RSBN1L: variants seen among roughly 807,000 people sequenced by gnomAD.
The protein encoded by RSBN1L is lysine-specific demethylase RSBN1L.
In RSBN1L, 30 loss-of-function variants were observed where a neutral mutation model predicts 67.7. The observed-to-expected ratio is 0.44, with a 90% CI of 0.33 to 0.60. RSBN1L has a LOEUF of 0.60. Ranked by LOEUF, RSBN1L falls within the 20% of genes least tolerant of loss-of-function variation. The pLI, the probability that RSBN1L is intolerant of heterozygous loss-of-function variation, is 0.02. For synonymous variants in RSBN1L, 433 were observed against 387.0 expected, an observed-to-expected ratio of 1.12 and a Z score of -1.39; for missense variants, 992 against 1,031.7, an observed-to-expected ratio of 0.96 and a Z score of 0.53.
intron 3 of RSBN1L, among the ~76,000 whole-genome samples, chr7:77,750,539 G>C (rs956287621): frequency 1.3e-5 from 2 of 152,082 alleles, no homozygotes; most frequent in Admixed American, 6.6e-5. Context: ...GTAATGATGT[G>C]TTAAAAGTAG....
At chr7:77,719,774 T>A (rs999567657) in intron 1 of RSBN1L, among the ~76,000 whole-genome samples, 10 of 152,064 alleles carry the variant, frequency 6.6e-5, no homozygotes, top group East Asian at 1.9e-4. Flanking sequence ...TTTAAAAAAA[T>A]TTTTTTTAGA....
intron 1 of RSBN1L, among the ~76,000 whole-genome samples, chr7:77,714,776 C>CA (rs1203246897): frequency 1.3e-5 from 2 of 151,788 alleles, no homozygotes; most frequent in Admixed American, 6.6e-5. Flanking sequence ...TCCTGGCTAA[C>CA]ACGGTGAAAC....
At chr7:77,725,237 C>G (rs1418997234) in intron 1 of RSBN1L, among the ~76,000 whole-genome samples, 1 of 94,644 alleles carries the variant, frequency 1.1e-5, no homozygotes, top group Non-Finnish European at 2.2e-5. Context: ...TAGGGATAAG[C>G]CCCCCACTTT....
chr7:77,730,549 A>G (rs1409414465), intron 1 of RSBN1L, among the ~76,000 whole-genome samples: 3 of 152,108 alleles, frequency 2.0e-5, no homozygotes, highest in Admixed American at 6.5e-5. Context: ...TGCTCTGCCT[A>G]TTCATCCCTC....
rs1018206774 is a variant in RSBN1L at position 77,780,903 on chromosome 7, G to C, written c.*1735G>C. 1.3e-5 allele frequency: 2 copies of C among 152,238 alleles called. 1 individual carries two copies. The allele number at this position is 152,238 out of a possible 1,614,324, so 9.4% of individuals were successfully genotyped here. ...AGAAGTCTTTGATGTATGCGTTGCTGTAAGAAACTCTGCTCATTGCAAATC... is the reference window on the plus strand; with the variant it reads ...AGAAGTCTTTGATGTATGCGTTGCTCTAAGAAACTCTGCTCATTGCAAATC... On this transcript the variant is annotated 3_prime_UTR_variant, in exon 8 of 8. Coordinates refer to ENST00000334955, the MANE Select transcript of RSBN1L (RefSeq NM_198467.3).
intron 6 of RSBN1L, among the ~76,000 whole-genome samples, chr7:77,777,355 T>A (rs1347428894): frequency 6.6e-6 from 1 of 152,088 alleles, no homozygotes; most frequent in African/African-American, 2.4e-5. Flanking sequence ...TTCATAGATC[T>A]ACATTTTCAT....
rs1791950644 is a variant in RSBN1L, at chr7:77,778,693, G to A, written c.2066G>A (p.Arg689Gln). The stretch of plus-strand genomic sequence containing the variant: ...GTATGCAGTTTAGCATGGCATATTC[G>A]GCTCAAATTATATCACTCAGAGGAG... ...SAVCSLAWHI[R>Q]LKLYHSEEDT... Residue 689 changes from arginine (R) to glutamine (Q), a missense_variant, in exon 8 of 8, where the codon CGG becomes CAG. Physicochemically the swap from Arg to Gln is conservative, Grantham distance 43. This residue lies in a region of RSBN1L where 55 missense variants were observed against 112.8 expected (regional missense o/e 0.49). Coordinates refer to ENST00000334955, the MANE Select transcript of RSBN1L (RefSeq NM_198467.3). 11 of 1,613,798 alleles carry A rather than the reference G, an allele frequency of 6.8e-6. No homozygotes were observed. Among genetic ancestry groups the A allele is most frequent in the Non-Finnish European group, 8.5e-6 (10 of 1,179,984 alleles).
chr7:77,728,085 G>A (rs1305955926), intron 1 of RSBN1L, among the ~76,000 whole-genome samples: 2 of 152,060 alleles, frequency 1.3e-5, no homozygotes, highest in East Asian at 1.9e-4. Context: ...CTAGTTATCC[G>A]CTGAGCCATC....
At chr7:77,701,183 C>G (rs1179211362) in intron 1 of RSBN1L, among the ~76,000 whole-genome samples, 2 of 132,858 alleles carry the variant, frequency 1.5e-5, no homozygotes, top group Non-Finnish European at 3.3e-5. Flanking sequence ...ACAACAACAA[C>G]AACAACAAAA....
intron 2 of RSBN1L, among the ~76,000 whole-genome samples, chr7:77,738,759 C>A (rs1791368318): frequency 6.6e-6 from 1 of 151,894 alleles, no homozygotes; most frequent in African/African-American, 2.4e-5. Flanking sequence ...ACCAGCCTGG[C>A]CAAGTTGGTG....
At chr7:77,750,413 G>T (rs17157284) in intron 3 of RSBN1L, among the ~76,000 whole-genome samples, 13,289 of 138,412 alleles carry the variant, frequency 0.096, 777 homozygotes, top group South Asian at 0.21. Flanking sequence ...ACCTAAAATT[G>T]TCTTCTAGCT....
intron 3 of RSBN1L, among the ~76,000 whole-genome samples, chr7:77,754,178 C>T (rs1214212942): frequency 6.6e-6 from 1 of 152,158 alleles, no homozygotes; most frequent in Non-Finnish European, 1.5e-5. Flanking sequence ...GCTGGGACTA[C>T]AGGTGTGAGC....
chr7:77,696,636 T>G lies in RSBN1L; in HGVS notation c.167T>G (p.Val56Gly). The G allele has an allele frequency of 6.2e-7, 1 of 1,613,414 alleles. No individual in the cohort carries two copies. Among genetic ancestry groups the G allele is most frequent in the Admixed American group, 1.7e-5 (1 of 59,992 alleles). Reference sequence around the variant, plus strand: ...GAGGAGAAGAAGGCACCGCGGAGAGTGAACGGAGAAGGGGGCAGCGGCGGG... The same window carrying G: ...GAGGAGAAGAAGGCACCGCGGAGAGGGAACGGAGAAGGGGGCAGCGGCGGG... ...RTEEKKAPRR[V>G]NGEGGSGGNS... Residue 56 changes from valine to glycine, a missense_variant, in exon 1 of 8, where the codon GTG becomes GGG. Val to Gly is a moderately radical substitution (Grantham distance 109, BLOSUM62 -3). This residue lies in a region of RSBN1L where 575 missense variants were observed against 483.2 expected (regional missense o/e 1.19). Transcript: ENST00000334955.
intron 3 of RSBN1L, among the ~76,000 whole-genome samples, chr7:77,761,562 C>T (rs938358237): frequency 6.6e-6 from 1 of 152,066 alleles, no homozygotes; most frequent in African/African-American, 2.4e-5. Context: ...AGAGGTGTCA[C>T]CAAAATCAAG....
chr7:77,707,022 A>ATTTT (rs1034017450), intron 1 of RSBN1L, among the ~76,000 whole-genome samples: 1 of 137,674 alleles, frequency 7.3e-6, no homozygotes, highest in African/African-American at 2.7e-5. Flanking sequence ...ATTAAACTAG[A>ATTTT]TTTTTTTTTT....
Position 77,778,463 on chromosome 7 carries a change from T to C in RSBN1L, c.1902+17T>C, listed in dbSNP as rs774073901. ...CTGTCCCAGGTATTTTTAATACACT[T>C]ACTGTCTTTGGTTTAGTTTTTATTA... On this transcript the variant is annotated intron_variant, in intron 7 of 7. Transcript: ENST00000334955. The C allele has an allele frequency of 6.3e-7, 1 of 1,598,794 alleles. No homozygotes were observed. Among genetic ancestry groups the C allele is most frequent in the African/African-American group, 1.3e-5 (1 of 74,076 alleles).
At chr7:77,754,804 CTT>C (rs1791595776) in intron 3 of RSBN1L, among the ~76,000 whole-genome samples, 1 of 152,254 alleles carries the variant, frequency 6.6e-6, no homozygotes, top group South Asian at 2.1e-4. Flanking sequence ...GCCCATGTCT[CTT>C]TGAAAATGAA....
intron 3 of RSBN1L, among the ~76,000 whole-genome samples, chr7:77,760,912 A>G (rs897730792): frequency 6.6e-6 from 1 of 152,242 alleles, no homozygotes; most frequent in Non-Finnish European, 1.5e-5. Context: ...CTGGGATTAC[A>G]GGCGTGACGC....
intron 2 of RSBN1L, 152 bp from the exon 3 acceptor site, chr7:77,749,272 A>G: frequency 1.7e-6 from 1 of 605,218 alleles, no homozygotes; most frequent in Non-Finnish European, 2.7e-6. Flanking sequence ...CTGACTAAAT[A>G]TTGATTATCA....
Sources: gnomAD v4.1 joint callset for allele counts (sites outside exome capture counted in the v4.1 genomes callset) on GRCh38, gnomAD v4.1.1 for gene constraint, gnomAD v4.1.1 regional missense constraint, MANE v1.5 for transcripts, NCBI Gene and HGNC (gene_info 2026-07-23, HGNC 2026-07-21) for gene names.